Variants in SYNE1 observed in about 807,000 individuals in gnomAD.
SYNE1 encodes spectrin repeat containing nuclear envelope protein 1.
SYNE1 carries 616 observed loss-of-function variants against 1,111.0 expected under a neutral mutation model. The ratio of observed to expected loss-of-function variants is 0.55; its 90% confidence interval spans 0.52 to 0.59. The LOEUF (loss-of-function observed/expected upper bound fraction) is 0.59, where lower values mean the gene tolerates loss of function less well. Among genes scored for constraint, SYNE1 ranks in the 20% least tolerant of loss-of-function variants. SYNE1 has a pLI of 0.00. For missense variants in SYNE1, 10,006 were observed against 10,417.0 expected, an observed-to-expected ratio of 0.96 and a Z score of 1.72; for synonymous variants, 3,855 against 3,825.8, an observed-to-expected ratio of 1.01 and a Z score of -0.28.
chr6:152,460,207 G>A (rs562734579), intron 21 of SYNE1, among the ~76,000 whole-genome samples: 33 of 152,224 alleles, frequency 2.2e-4, no homozygotes, highest in African/African-American at 7.7e-4. Context: ...AAGCTGCTGG[G>A]GAGTTATCAA....
chr6:152,532,759 T>C (rs1044449111), intron 4 of SYNE1, among the ~76,000 whole-genome samples: 2 of 152,198 alleles, frequency 1.3e-5, no homozygotes, highest in Non-Finnish European at 2.9e-5. Context: ...CTGGTTTATA[T>C]AAGTTTCAGG....
At chr6:152,514,145 T>A (rs1256880297) in intron 6 of SYNE1, among the ~76,000 whole-genome samples, 1 of 152,198 alleles carries the variant, frequency 6.6e-6, no homozygotes, top group East Asian at 1.9e-4. Flanking sequence ...CCCAAAGGAT[T>A]ATAAATCATT....
intron 3 of SYNE1, among the ~76,000 whole-genome samples, chr6:152,605,576 A>C (rs1417457914): frequency 6.6e-6 from 1 of 152,194 alleles, no homozygotes; most frequent in Non-Finnish European, 1.5e-5. Context: ...CCAAGAAGAA[A>C]TGCATTAGAG....
intron 132 of SYNE1, chr6:152,155,330 A>C (rs558609125): frequency 2.5e-6 from 1 of 404,602 alleles, no homozygotes; most frequent in East Asian, 5.2e-5. Flanking sequence ...GAATGTGTGC[A>C]CCAAGTTTAG....
At chr6:152,218,488 A>T (rs1182208933) in intron 120 of SYNE1, 85 bp from the exon 121 acceptor site, 15 of 1,435,918 alleles carry the variant, frequency 1.0e-5, no homozygotes, top group African/African-American at 1.4e-5. Context: ...GGGCAAGTGG[A>T]TATTAAAATT....
chr6:152,380,299 G>T (rs1303949294), intron 56 of SYNE1, among the ~76,000 whole-genome samples: 1 of 152,106 alleles, frequency 6.6e-6, no homozygotes, highest in Non-Finnish European at 1.5e-5. Flanking sequence ...ATGAATCAGG[G>T]CATTATAAAA....
chr6:152,226,427 T>C (rs747549054), intron 115 of SYNE1, among the ~76,000 whole-genome samples: 1 of 152,182 alleles, frequency 6.6e-6, no homozygotes, highest in East Asian at 1.9e-4. Flanking sequence ...AAAGATCATC[T>C]GTATGATCCT....
rs150063353 is a variant in SYNE1 at position 152,236,834 on chromosome 6, G to A, written c.20182C>T (p.Arg6728Cys). Residue 6728 changes from arginine (R) to cysteine (C), a missense_variant, in exon 109 of 146, where the codon CGC (arginine) becomes TGC (cysteine). Physicochemically the swap from Arg to Cys is radical, Grantham distance 180. Transcript: ENST00000367255. ...ACACCAACCTGGTAGAGTGTTATGC[G>A]GTCAATAAGCCTGTCCTCGTTCTCC... ...VEENEDRLID[R>C]ITLYQHLKSS... The A allele has an allele frequency of 3.5e-5, 57 of 1,614,120 alleles. No individual in the cohort carries two copies. The highest frequency in any genetic ancestry group is 2.5e-4 in the Admixed American group (15 of 60,012).
At chr6:152,488,947 T>A (rs2098955786) in intron 11 of SYNE1, among the ~76,000 whole-genome samples, 1 of 152,206 alleles carries the variant, frequency 6.6e-6, no homozygotes, top group South Asian at 2.1e-4. Flanking sequence ...GTGACTTGTC[T>A]ATATTACTAT....
At chr6:152,210,879 G>A (rs1288422398) in intron 124 of SYNE1, among the ~76,000 whole-genome samples, 1 of 152,122 alleles carries the variant, frequency 6.6e-6, no homozygotes, top group East Asian at 1.9e-4. Flanking sequence ...TAAATGAAAA[G>A]GAAGAAAAGA....
At chr6:152,254,176 C>T (rs1054212319) in intron 104 of SYNE1, among the ~76,000 whole-genome samples, 1 of 150,890 alleles carries the variant, frequency 6.6e-6, no homozygotes, top group Non-Finnish European at 1.5e-5. Context: ...TAGACCACAG[C>T]CACTTTCAAA....
chr6:152,444,303 C>T, intron 30 of SYNE1, 108 bp downstream of exon 30: 1 of 1,257,428 alleles, frequency 8.0e-7, no homozygotes, highest in Non-Finnish European at 1.1e-6. Context: ...CCTTCCCATG[C>T]CCCCTCACCC....
intron 115 of SYNE1, among the ~76,000 whole-genome samples, chr6:152,228,654 A>G (rs2082109153): frequency 6.6e-6 from 1 of 152,240 alleles, no homozygotes; most frequent in Admixed American, 6.5e-5. Context: ...CCATGCAACC[A>G]GAAGGTCCTC....
chr6:152,632,381 C>T (rs118164135), intron 2 of SYNE1, among the ~76,000 whole-genome samples: 2 of 152,306 alleles, frequency 1.3e-5, no homozygotes, highest in East Asian at 3.9e-4. Flanking sequence ...CACATGTACA[C>T]ATATTTCCTA....
At chr6:152,255,278 T>C (rs2090534701) in intron 103 of SYNE1, among the ~76,000 whole-genome samples, 189 bp from the exon 104 acceptor site, 1 of 152,220 alleles carries the variant, frequency 6.6e-6, no homozygotes, top group African/African-American at 2.4e-5. Context: ...CTTTACCTCA[T>C]TCACTAGTAA....
chr6:152,574,190 AC>A (rs1413659860), intron 3 of SYNE1, among the ~76,000 whole-genome samples: 1 of 117,616 alleles, frequency 8.5e-6, no homozygotes, highest in African/African-American at 3.9e-5. Flanking sequence ...ATATATATAC[AC>A]ATAAATATAT....
rs1215215175 is a variant in SYNE1 at position 152,218,303 on chromosome 6, T to C, written c.22145A>G (p.His7382Arg). The change falls in exon 121 of 146, where the codon CAC (histidine) becomes CGC (arginine). Residue 7382 changes from histidine (H) to arginine (R), a missense_variant. Transcript: ENST00000367255. Reference sequence around the variant, plus strand: ...CTGGATTGTGGAGAGGTCAGATGAGTGGCTAGGGTCCTGCCCTTGTAGTAT... The same window carrying C: ...CTGGATTGTGGAGAGGTCAGATGAGCGGCTAGGGTCCTGCCCTTGTAGTAT... ...EEILQGQDPS[H>R]SSDLSTIQER... is the part of the protein sequence containing the mutation. 1 of 1,614,128 alleles carries C rather than the reference T, an allele frequency of 6.2e-7. No homozygotes were observed. Among genetic ancestry groups the C allele is most frequent in the African/African-American group, 1.3e-5 (1 of 75,038 alleles).
intron 98 of SYNE1, 124 bp downstream of exon 98, chr6:152,277,965 G>A (rs573184701): frequency 2.2e-5 from 22 of 1,013,022 alleles, no homozygotes; most frequent in South Asian, 7.6e-5. Flanking sequence ...AAATGTCAGC[G>A]TAAAGCAGGT....
Position 152,148,369 on chromosome 6 carries a change from C to T in SYNE1, c.24652G>A (p.Asp8218Asn), listed in dbSNP as rs267600861. ...KKLIRLPLPD[D>N]EHDLSDRELE... ...TCCCTGTCTGAGAGGTCGTGCTCAT[C>T]GTCTGGGAGCTAGAAGGGAAGTCAA... is the stretch of plus-strand genomic sequence containing the variant. Residue 8218 changes from aspartate to asparagine, a missense_variant, in exon 137 of 146, where the codon GAT (aspartate) becomes AAT (asparagine). Asp to Asn is a conservative substitution (Grantham distance 23). This residue lies in a region of SYNE1 where 761 missense variants were observed against 795.5 expected (regional missense o/e 0.96). Coordinates refer to ENST00000367255, the MANE Select transcript of SYNE1 (RefSeq NM_182961.4). The surrounding 1 kb of genome is among the most constrained non-coding windows in gnomAD (Gnocchi z 4.1). 58 of 1,613,712 alleles carry T rather than the reference C, an allele frequency of 3.6e-5. No homozygotes were observed. Among genetic ancestry groups the T allele is most frequent in the Admixed American group, 3.2e-4 (19 of 59,998 alleles).
Sources: gnomAD v4.1 joint callset for allele counts (sites outside exome capture counted in the v4.1 genomes callset) on GRCh38, gnomAD v4.1.1 for gene constraint, gnomAD v4.1.1 regional missense constraint, Gnocchi (gnomAD v3.1) non-coding constraint, MANE v1.5 for transcripts, NCBI Gene and HGNC (gene_info 2026-07-23, HGNC 2026-07-21) for gene names.